Variants in TEKT3 observed in about 807,000 individuals in gnomAD.
TEKT3 encodes the protein tektin 3.
A neutral mutation model predicts 49.8 loss-of-function variants in TEKT3; 49 were observed. The observed-to-expected ratio is 0.98, with a 90% CI of 0.78 to 1.25. The LOEUF is 1.25. TEKT3 is among the 50% of genes most tolerant of loss of function. TEKT3 has a pLI of 0.00. For synonymous variants in TEKT3, 225 were observed against 237.2 expected (o/e 0.95, Z 0.47); for missense variants, 595 against 629.5 (o/e 0.95, Z 0.59).
rs1337969639 is a variant in TEKT3 at position 15,338,707 on chromosome 17, C to G, written c.-30+1321G>C. 6.6e-4 allele frequency among the ~76,000 whole-genome samples: 86 copies of G among 130,770 alleles called. 2 individuals carry two copies. The East Asian group carries it at 0.018, about 28-fold the overall frequency. The allele number at this position is 130,770 out of a possible 152,430, so 85.8% of individuals were successfully genotyped here. A position where few individuals can be genotyped will look rare whatever the true frequency, so the allele number is the denominator to read the frequency against. ...TTTTTTTTTTTTTTTTTAGTAGAGA[C>G]GGGTTTCACCGTGTTAGCTAGGATG... On this transcript the variant is annotated intron_variant, in intron 2 of 8. Coordinates refer to ENST00000395930, the MANE Select transcript of TEKT3 (RefSeq NM_031898.3).
rs573953365 is a variant in TEKT3 at position 15,322,422 on chromosome 17, G to A, written c.664-3275C>T. Among the ~76,000 whole-genome samples the A allele has an allele frequency of 8.9e-4, 135 of 152,168 alleles. No individual in the cohort carries two copies. In the South Asian group the frequency reaches 0.012, roughly 13 times the overall value. On this transcript the variant is annotated intron_variant, in intron 4 of 8. Transcript: ENST00000395930. ...AGTGTTCAGTTAAGTATTAGGTCTC[G>A]TAATATTGTAACATGGGTGATTTTC...
chr17:15,330,817 A>C (rs370563986), intron 3 of TEKT3, among the ~76,000 whole-genome samples, 190 bp downstream of exon 3: 1 of 152,126 alleles, frequency 6.6e-6, no homozygotes, highest in Non-Finnish European at 1.5e-5. Context: ...GTTGTTCTTA[A>C]AGTATATAAT....
At chr17:15,336,646 T>C (rs560186898) in intron 2 of TEKT3, among the ~76,000 whole-genome samples, 1 of 152,196 alleles carries the variant, frequency 6.6e-6, no homozygotes, top group Non-Finnish European at 1.5e-5. Flanking sequence ...ATTAATAAAA[T>C]AGAAGTAAAT....
chr17:15,312,186 T>C, intron 7 of TEKT3, 73 bp downstream of exon 7: 1 of 1,422,756 alleles, frequency 7.0e-7, no homozygotes. Context: ...CTGGGAGTGG[T>C]GAGAGATTTG....
At chr17:15,328,503 G>A (rs911056175) in intron 3 of TEKT3, among the ~76,000 whole-genome samples, 1 of 152,106 alleles carries the variant, frequency 6.6e-6, no homozygotes, top group African/African-American at 2.4e-5. Context: ...CAAAATTTTT[G>A]TGTTGCCAAA....
chr17:15,334,666 T>C (rs181896600), intron 2 of TEKT3, among the ~76,000 whole-genome samples: 3 of 152,310 alleles, frequency 2.0e-5, no homozygotes, highest in East Asian at 1.9e-4. Context: ...GCATAAAGCA[T>C]AGTGGTTTAC....
At chr17:15,333,668 T>C (rs901358902) in intron 2 of TEKT3, among the ~76,000 whole-genome samples, 3 of 152,224 alleles carry the variant, frequency 2.0e-5, no homozygotes, top group Admixed American at 6.5e-5. Context: ...AATAATCTGG[T>C]TTATTTCTAG....
chr17:15,340,256 A>G (rs1426027869), intron 1 of TEKT3, among the ~76,000 whole-genome samples, 195 bp from the exon 2 acceptor site: 7 of 152,126 alleles, frequency 4.6e-5, no homozygotes, highest in Non-Finnish European at 1.0e-4. Flanking sequence ...ATCAACTTAA[A>G]AAGTAACAGT....
At chr17:15,328,153 AAATAAGTC>A (rs1478770034) in intron 3 of TEKT3, 78 bp from the exon 4 acceptor site, 1 of 1,366,550 alleles carries the variant, frequency 7.3e-7, no homozygotes, top group African/African-American at 1.4e-5. Flanking sequence ...TTTGTTTCAA[AAATAAGTC>A]AATAGATACT....
chr17:15,310,904 A>G (rs1443736500), intron 7 of TEKT3: 2 of 152,086 alleles, frequency 1.3e-5, no homozygotes, highest in African/African-American at 2.4e-5. Context: ...GACACAAACC[A>G]TCTACACCAG....
chr17:15,328,589 G>A (rs943981074), intron 3 of TEKT3, among the ~76,000 whole-genome samples: 1 of 152,074 alleles, frequency 6.6e-6, no homozygotes, highest in Non-Finnish European at 1.5e-5. Context: ...ACTCACTAAA[G>A]AGAAAAAATA....
Position 15,314,346 on chromosome 17 carries a change from C to T in TEKT3, c.735-116G>A. 4 of 1,379,000 alleles carry T rather than the reference C, an allele frequency of 2.9e-6. No individual in the cohort carries two copies. The South Asian group carries it at 4.9e-5, about 17-fold the overall frequency. The allele number at this position is 1,379,000 out of a possible 1,614,324, so 85.4% of individuals were successfully genotyped here. On this transcript the variant is annotated intron_variant, in intron 5 of 8. Coordinates refer to ENST00000395930, the MANE Select transcript of TEKT3 (RefSeq NM_031898.3). ...TCACTGTTGCTCTCACCATCTCTCCCTCTTCACACAGCGTTCAATTTCTCA... is the reference window on the plus strand; with the variant it reads ...TCACTGTTGCTCTCACCATCTCTCCTTCTTCACACAGCGTTCAATTTCTCA...
intron 7 of TEKT3, among the ~76,000 whole-genome samples, chr17:15,310,248 T>A (rs1054102203): frequency 1.3e-5 from 2 of 152,336 alleles, no homozygotes; most frequent in Middle Eastern, 3.4e-3. Context: ...TGTGTGCATG[T>A]CTTGTCTCTA....
rs149266687 is a variant in TEKT3 at position 15,314,161 on chromosome 17, G to A, written c.804C>T (p.Asp268=). ...LSDKQTAYRI[D]DKCHHLRNTS... ...TGTTGCGCAGGTGGTGGCATTTGTC[G>A]TCGATCCGGTAAGCCGTCTGTTTGT... The change falls in exon 6 of 9, where the codon GAC becomes GAT. Residue 268 remains aspartate, a synonymous_variant. Coordinates refer to ENST00000395930, the MANE Select transcript of TEKT3 (RefSeq NM_031898.3). The A allele has an allele frequency of 1.8e-5, 29 of 1,614,206 alleles. No homozygotes were observed. Among genetic ancestry groups the A allele is most frequent in the African/African-American group, 5.3e-5 (4 of 75,060 alleles).
chr17:15,306,492 G>A (rs1043027721), intron 8 of TEKT3, among the ~76,000 whole-genome samples: 1 of 151,146 alleles, frequency 6.6e-6, no homozygotes, highest in African/African-American at 2.4e-5. Flanking sequence ...AGGAGCAGAG[G>A]AAATAGACAT....
chr17:15,317,977 C>CTT (rs371718658), intron 5 of TEKT3, among the ~76,000 whole-genome samples: 1 of 137,520 alleles, frequency 7.3e-6, no homozygotes, highest in Non-Finnish European at 1.5e-5. Flanking sequence ...GGTCGGATCT[C>CTT]TTTTTTTTTT....
At position 15,331,268 on chromosome 17, in the gene TEKT3, G is replaced by A. The variant is rs1174906166; in HGVS notation, c.318C>T (p.Asn106=). Residue 106 remains asparagine (N), a synonymous_variant, in exon 3 of 9, where the codon AAC becomes AAT. Coordinates refer to ENST00000395930, the MANE Select transcript of TEKT3 (RefSeq NM_031898.3). The part of the protein sequence containing the change: ...PDDWYRSNLT[N]YQESNTSRHN... The stretch of plus-strand genomic sequence containing the variant: ...GTCGGGAAGTGTTGGACTCTTGATA[G>A]TTGGTTAAATTGGACCTGTACCAGT... The A allele has an allele frequency of 2.5e-6, 4 of 1,614,118 alleles. No individual in the cohort carries two copies. Among genetic ancestry groups the A allele is most frequent in the East Asian group, 2.2e-5 (1 of 44,902 alleles).
chr17:15,317,584 G>C (rs941407513), intron 5 of TEKT3, among the ~76,000 whole-genome samples: 5 of 152,154 alleles, frequency 3.3e-5, no homozygotes, highest in African/African-American at 9.7e-5. Context: ...TGACGCACAG[G>C]ATGGGCAAAT....
intron 5 of TEKT3, among the ~76,000 whole-genome samples, chr17:15,314,873 G>A (rs1910934773): frequency 6.6e-6 from 1 of 152,148 alleles, no homozygotes; most frequent in African/African-American, 2.4e-5. Flanking sequence ...CACTCCAGCA[G>A]CCACCCTGCT....
Sources: allele counts gnomAD v4.1 joint callset (sites outside exome capture counted in the v4.1 genomes callset), GRCh38; gene constraint gnomAD v4.1.1; transcripts MANE v1.5; gene names NCBI Gene and HGNC (gene_info 2026-07-23, HGNC 2026-07-21).